SLC6A3: variants seen among roughly 807,000 people sequenced by gnomAD.
The protein encoded by SLC6A3 is sodium-dependent dopamine transporter.
A neutral mutation model predicts 70.4 loss-of-function variants in SLC6A3; 19 were observed. That is an observed-to-expected ratio of 0.27 (90% CI 0.19 to 0.40). The LOEUF (loss-of-function observed/expected upper bound fraction) is 0.40, where lower values mean the gene tolerates loss of function less well. SLC6A3 is among the 10% of genes least tolerant of loss of function. The pLI is 1.00. For synonymous variants in SLC6A3, 368 were observed against 356.6 expected, an observed-to-expected ratio of 1.03 and a Z score of -0.36; for missense variants, 613 against 838.5, an observed-to-expected ratio of 0.73 and a Z score of 3.32.
chr5:1,414,697 T>G lies in SLC6A3; in HGVS notation c.1150A>C (p.Lys384Gln), dbSNP rs1426275460. 3 of 1,612,334 alleles carry G rather than the reference T, an allele frequency of 1.9e-6. No individual in the cohort carries two copies. The highest frequency in any genetic ancestry group is 2.7e-5 in the African/African-American group (2 of 74,834). ...KHSVPIGDVA[K>Q]DGPGLIFIIY... ...TGCAGCAGGAGGGGCTCACCGTCCT[T>G]GGCCACGTCCCCGATGGGCACACTG... The change falls in exon 8 of 15, where the codon AAG becomes CAG. Residue 384 changes from lysine to glutamine, a missense_variant. By Grantham distance (53) the Lys-to-Gln change is moderately conservative. Around this residue, in one of 4 missense-constraint regions of SLC6A3, gnomAD observed 348 missense variants for 481.2 expected, o/e 0.72. Transcript: ENST00000270349.
Position 1,442,770 on chromosome 5 carries a change from G to C in SLC6A3, c.286+142C>G. On this transcript the variant is annotated intron_variant, in intron 2 of 14. Transcript: ENST00000270349. The surrounding 1 kb of genome is among the most constrained non-coding windows in gnomAD (Gnocchi z 5.0). ...TTTGTGACATCCTCTGGGAGGATCT[G>C]CACCGGCCGTGAGCTCTCACAGGGA... 1 of 831,942 alleles carries C rather than the reference G, an allele frequency of 1.2e-6. No homozygotes were observed. The highest frequency in any genetic ancestry group is 2.0e-6 in the Non-Finnish European group (1 of 494,120). 51.5% of individuals were successfully genotyped at this position (831,942 alleles called of 1,614,324 possible).
chr5:1,394,884 G>T lies in SLC6A3; in HGVS notation c.1840-126C>A. 1.0e-6 allele frequency: 1 copy of T among 1,002,578 alleles called. No homozygotes were observed. Among genetic ancestry groups the T allele is most frequent in the Non-Finnish European group, 1.6e-6 (1 of 634,740 alleles). 62.1% of individuals were successfully genotyped at this position (1,002,578 alleles called of 1,614,324 possible). A position where few individuals can be genotyped will look rare whatever the true frequency, so the allele number is the denominator to read the frequency against. On this transcript the variant is annotated intron_variant, in intron 14 of 14. Transcript: ENST00000270349. This position sits in a 1 kb window ranked among gnomAD's most constrained non-coding sequence, Gnocchi z 4.7. ...TGCAGCCTCCTGGCCATGTGCCCTG[G>T]GAGAAGGGGAGGCTCACTGGGGGCC...
At chr5:1,412,390 AAG>A (rs1756150991) in intron 8 of SLC6A3, among the ~76,000 whole-genome samples, 1 of 152,214 alleles carries the variant, frequency 6.6e-6, no homozygotes, top group East Asian at 1.9e-4. Flanking sequence ...CTTCGGAGAT[AAG>A]AGACAAACCT....
At chr5:1,433,874 C>A in intron 3 of SLC6A3, among the ~76,000 whole-genome samples, 1 of 152,040 alleles carries the variant, frequency 6.6e-6, no homozygotes, top group East Asian at 1.9e-4. Flanking sequence ...TGGCTGTCCA[C>A]AACCTCCCAC....
At chr5:1,428,509 G>A (rs887677767) in intron 4 of SLC6A3, among the ~76,000 whole-genome samples, 1 of 152,196 alleles carries the variant, frequency 6.6e-6, no homozygotes, top group African/African-American at 2.4e-5. Context: ...TGTGTGGGAT[G>A]CAGCCAATCA....
chr5:1,421,727 G>T lies in SLC6A3; in HGVS notation c.792+149C>A. On this transcript the variant is annotated intron_variant, in intron 5 of 14. Transcript: ENST00000270349. The surrounding 1 kb of genome is among the most constrained non-coding windows in gnomAD (Gnocchi z 7.2). ...ATATGAGTCTCCCAAACTCAACCAT[G>T]GCCATGTGTCCACCCCAACCTGGCC... The T allele has an allele frequency of 1.2e-6, 1 of 841,284 alleles. No homozygotes were observed. The highest frequency in any genetic ancestry group is 2.0e-6 in the Non-Finnish European group (1 of 491,148). 52.1% of individuals were successfully genotyped at this position (841,284 alleles called of 1,614,324 possible). A position where few individuals can be genotyped will look rare whatever the true frequency, so the allele number is the denominator to read the frequency against.
At chr5:1,412,055 G>A (rs962934284) in intron 8 of SLC6A3, among the ~76,000 whole-genome samples, 2 of 151,814 alleles carry the variant, frequency 1.3e-5, no homozygotes, top group Non-Finnish European at 2.9e-5. Context: ...AATCACACAC[G>A]TCCACACTAT....
In SLC6A3 at chr5:1,401,011, G is replaced by A. The variant is rs767714376; in HGVS notation, c.1768-25C>T. ...TCTGAAAGAGAAAGAGAGTGCAGGG[G>A]TCAGTGCAGACCAGTACCCACTGCC... On this transcript the variant is annotated intron_variant, in intron 13 of 14. Coordinates refer to ENST00000270349, the MANE Select transcript of SLC6A3 (RefSeq NM_001044.5). The surrounding 1 kb of genome is among the most constrained non-coding windows in gnomAD (Gnocchi z 6.1). 4 of 1,563,206 alleles carry A rather than the reference G, an allele frequency of 2.6e-6. No homozygotes were observed. The African/African-American group carries it at 5.4e-5, about 21-fold the overall frequency.
rs1373372460 is a variant in SLC6A3, at chr5:1,409,769, G to A, written c.1350C>T (p.Leu450=). The A allele has an allele frequency of 3.7e-6, 6 of 1,613,460 alleles. No individual in the cohort carries two copies. The South Asian group carries it at 6.6e-5, about 18-fold the overall frequency. Residue 450 remains leucine, a synonymous_variant, in exon 10 of 15, where the codon CTC becomes CTT. Transcript: ENST00000270349. ...GGAGGAAGGTCGCCAGGACGATGAA[G>A]AGCGTGAAGAGCTCACGGTGTCTGT... ...LLHRHRELFT[L]FIVLATFLLS... is the part of the protein sequence containing the mutation.
rs572690574 is a variant in SLC6A3 at position 1,413,412 on chromosome 5, G to A, written c.1156+1279C>T. The stretch of plus-strand genomic sequence containing the variant: ...GGTCTCTGAGCGTGTTCCTACCTGC[G>A]GTGCGAGGGTCCTAGTGCCCCACTC... On this transcript the variant is annotated intron_variant, in intron 8 of 14. Transcript: ENST00000270349. The surrounding 1 kb of genome is among the most constrained non-coding windows in gnomAD (Gnocchi z 7.1). 2.2e-4 allele frequency among the ~76,000 whole-genome samples: 33 copies of A among 152,224 alleles called. No individual in the cohort carries two copies. The highest frequency in any genetic ancestry group is 6.0e-4 in the African/African-American group (25 of 41,514).
At chr5:1,434,013 A>G (rs501965) in intron 3 of SLC6A3, among the ~76,000 whole-genome samples, 1 of 152,196 alleles carries the variant, frequency 6.6e-6, no homozygotes, top group African/African-American at 2.4e-5. Flanking sequence ...GGCCATCCAC[A>G]GCCACCCATG....
Position 1,400,999 on chromosome 5 carries a change from G to C in SLC6A3, c.1768-13C>G, listed in dbSNP as rs1398619439. 1.9e-6 allele frequency: 3 copies of C among 1,585,520 alleles called. No homozygotes were observed. The East Asian group carries it at 6.8e-5, about 36-fold the overall frequency. ...CGTAGGCCAGTTTCTGAAAGAGAAAGAGAGTGCAGGGGTCAGTGCAGACCA... is the reference window on the plus strand; with the variant it reads ...CGTAGGCCAGTTTCTGAAAGAGAAACAGAGTGCAGGGGTCAGTGCAGACCA... On this transcript the variant is annotated splice_polypyrimidine_tract_variant and intron_variant, in intron 13 of 14. Coordinates refer to ENST00000270349, the MANE Select transcript of SLC6A3 (RefSeq NM_001044.5).
chr5:1,422,094 C>G, intron 4 of SLC6A3, 80 bp from the exon 5 acceptor site: 1 of 1,441,570 alleles, frequency 6.9e-7, no homozygotes, highest in Non-Finnish European at 9.6e-7. Context: ...TGTCCGGGGA[C>G]CTGCCCTCCC....
intron 6 of SLC6A3, among the ~76,000 whole-genome samples, chr5:1,417,855 G>T (rs1160851156): frequency 6.6e-6 from 1 of 152,238 alleles, no homozygotes; most frequent in African/African-American, 2.4e-5. Context: ...GGGAGGCCAG[G>T]TGGGTCTCAG....
chr5:1,415,034 A>G (rs962164664), intron 7 of SLC6A3, among the ~76,000 whole-genome samples: 2 of 152,100 alleles, frequency 1.3e-5, no homozygotes, highest in African/African-American at 4.8e-5. Context: ...TCAGCCATCA[A>G]GGCTCAGGGT....
chr5:1,409,603 T>C, intron 10 of SLC6A3, 118 bp downstream of exon 10: 1 of 1,218,512 alleles, frequency 8.2e-7, no homozygotes, highest in Non-Finnish European at 1.2e-6. Context: ...GTGGGTGGGT[T>C]CGCAGCTCCC....
chr5:1,441,613 C>G (rs1733672351), intron 2 of SLC6A3, 123 bp from the exon 3 acceptor site: 1 of 1,147,352 alleles, frequency 8.7e-7, no homozygotes, highest in East Asian at 2.5e-5. Context: ...ACCCCACTCT[C>G]CAACGGGAAG....
At chr5:1,409,310 C>A (rs1756058759) in intron 10 of SLC6A3, among the ~76,000 whole-genome samples, 185 bp from the exon 11 acceptor site, 1 of 152,196 alleles carries the variant, frequency 6.6e-6, no homozygotes, top group Admixed American at 6.5e-5. Flanking sequence ...ATAAAAATGA[C>A]CTCTCCTTTC....
In SLC6A3 at chr5:1,396,131, A is replaced by C. The variant is rs1016754969; in HGVS notation, c.1840-1373T>G. Among the ~76,000 whole-genome samples, 1 of 152,150 alleles carries C rather than the reference A, an allele frequency of 6.6e-6. No individual in the cohort carries two copies. The highest frequency in any genetic ancestry group is 1.5e-5 in the Non-Finnish European group (1 of 68,014). ...CGCAGCTTCCAGAGATGAAGTAGAA[A>C]AGAGAATGGCTGGGCTGCAGACCAG... On this transcript the variant is annotated intron_variant, in intron 14 of 14. Coordinates refer to ENST00000270349, the MANE Select transcript of SLC6A3 (RefSeq NM_001044.5). This position sits in a 1 kb window ranked among gnomAD's most constrained non-coding sequence, Gnocchi z 7.0.
Sources: allele counts gnomAD v4.1 joint callset (sites outside exome capture counted in the v4.1 genomes callset), GRCh38; gene constraint gnomAD v4.1.1; regional missense constraint gnomAD v4.1.1; non-coding constraint Gnocchi (gnomAD v3.1); transcripts MANE v1.5; gene names NCBI Gene and HGNC (gene_info 2026-07-23, HGNC 2026-07-21).